The following DCLK2 variants were observed in gnomAD, a reference collection of about 807,000 sequenced individuals.
The protein encoded by DCLK2 is doublecortin like kinase 2.
In DCLK2, 31 loss-of-function variants were observed where a neutral mutation model predicts 78.4. The observed-to-expected ratio is 0.40, with a 90% CI of 0.30 to 0.53. The LOEUF (loss-of-function observed/expected upper bound fraction) is 0.53, where lower values mean the gene tolerates loss of function less well. Among genes scored for constraint, DCLK2 ranks in the 20% least tolerant of loss-of-function variants. DCLK2 has a pLI of 0.61. For missense variants in DCLK2, 872 were observed against 973.7 expected, an observed-to-expected ratio of 0.90 and a Z score of 1.39; for synonymous variants, 407 against 374.9, an observed-to-expected ratio of 1.09 and a Z score of -0.99.
intron 15 of DCLK2, among the ~76,000 whole-genome samples, chr4:150,253,079 G>GTCCTCCTCATCCTCCTCGTCCTCCTCA (rs1485089641): frequency 2.0e-5 from 3 of 149,612 alleles, no homozygotes; most frequent in African/African-American, 7.3e-5. Flanking sequence ...TGTCCTCCTC[G>GTCCTCCTCATCCTCCTCGTCCTCCTCA]TCCTCCTCAT....
intron 4 of DCLK2, among the ~76,000 whole-genome samples, chr4:150,201,876 A>G (rs1403204915): frequency 1.3e-5 from 2 of 152,232 alleles, no homozygotes; most frequent in Non-Finnish European, 2.9e-5. Flanking sequence ...GCCGGTCATA[A>G]TCTCTCTTTT....
chr4:150,156,789 ATTTT>A (rs869126960), intron 2 of DCLK2, among the ~76,000 whole-genome samples: 1 of 133,106 alleles, frequency 7.5e-6, no homozygotes, highest in Non-Finnish European at 1.6e-5. Context: ...TTATTTATTT[ATTTT>A]TTGAGACAGA....
intron 6 of DCLK2, 52 bp from the exon 7 acceptor site, chr4:150,221,625 C>A: frequency 8.9e-7 from 1 of 1,128,554 alleles, no homozygotes. Context: ...ATGTAGGAAT[C>A]TGTATAAAAT....
At chr4:150,210,948 C>T (rs1410074938) in intron 5 of DCLK2, among the ~76,000 whole-genome samples, 2 of 80,422 alleles carry the variant, frequency 2.5e-5, no homozygotes, top group Non-Finnish European at 5.1e-5. Context: ...GACTCTGTCT[C>T]AAAAAAAAAA....
intron 2 of DCLK2, among the ~76,000 whole-genome samples, chr4:150,167,544 A>G (rs773119182): frequency 1.8e-4 from 27 of 152,202 alleles, no homozygotes; most frequent in Non-Finnish European, 3.2e-4. Context: ...GGCTCATTCA[A>G]TGCAGTCCTA....
At chr4:150,195,825 G>A (rs1035981202) in intron 3 of DCLK2, among the ~76,000 whole-genome samples, 3 of 151,746 alleles carry the variant, frequency 2.0e-5, no homozygotes, top group African/African-American at 7.3e-5. Context: ...TACTTAACCT[G>A]CAAAGTAGGG....
At position 150,115,860 on chromosome 4, in the gene DCLK2, C is replaced by T. The variant is rs556980498; in HGVS notation, c.756+13048C>T. ...AGGGGAAGTATCCATGGTTAAAAACCGGTCATGGCTAAAGCAGGTGGGTAA... is the reference window on the plus strand; with the variant it reads ...AGGGGAAGTATCCATGGTTAAAAACTGGTCATGGCTAAAGCAGGTGGGTAA... On this transcript the variant is annotated intron_variant, in intron 2 of 15. Coordinates refer to ENST00000296550, the MANE Select transcript of DCLK2 (RefSeq NM_001040260.4). Among the ~76,000 whole-genome samples the T allele has an allele frequency of 1.4e-4, 21 of 152,228 alleles. No homozygotes were observed. The South Asian group carries it at 2.5e-3, about 18-fold the overall frequency.
intron 2 of DCLK2, among the ~76,000 whole-genome samples, chr4:150,171,922 A>AT (rs1736562990): frequency 6.6e-6 from 1 of 152,192 alleles, no homozygotes; most frequent in Non-Finnish European, 1.5e-5. Flanking sequence ...TGACTGGGTA[A>AT]AAGATAAATT....
intron 2 of DCLK2, among the ~76,000 whole-genome samples, chr4:150,113,053 C>A (rs533977358): frequency 6.6e-6 from 1 of 151,990 alleles, no homozygotes; most frequent in Non-Finnish European, 1.5e-5. Context: ...TCAGGTGATC[C>A]GCTCGCTTCG....
In DCLK2 at chr4:150,249,759, G is replaced by T. The variant is rs1462282827; in HGVS notation, c.2073+75G>T. On this transcript the variant is annotated intron_variant, in intron 15 of 15. Coordinates refer to ENST00000296550, the MANE Select transcript of DCLK2 (RefSeq NM_001040260.4). ...TTTTTGAATTAGGTAGCCGGGAGCT[G>T]CCCTCACATGGAAGTTGGTGCCTTC... 8 of 1,200,596 alleles carry T rather than the reference G, an allele frequency of 6.7e-6. No homozygotes were observed. In the South Asian group the frequency reaches 8.5e-5, roughly 13 times the overall value. 74.4% of individuals were successfully genotyped at this position (1,200,596 alleles called of 1,614,324 possible). A position where few individuals can be genotyped will look rare whatever the true frequency, so the allele number is the denominator to read the frequency against.
At chr4:150,250,887 AC>A (rs1743769435) in intron 15 of DCLK2, among the ~76,000 whole-genome samples, 1 of 20,314 alleles carries the variant, frequency 4.9e-5, no homozygotes, top group Non-Finnish European at 1.0e-4. Flanking sequence ...CACACTCCCC[AC>A]ACCCCCCACA....
At chr4:150,242,365 C>A (rs76556878) in intron 12 of DCLK2, among the ~76,000 whole-genome samples, 1 of 152,158 alleles carries the variant, frequency 6.6e-6, no homozygotes, top group African/African-American at 2.4e-5. Context: ...AAAGATATTT[C>A]CATCTGGCCG....
intron 10 of DCLK2, among the ~76,000 whole-genome samples, chr4:150,235,584 TG>T (rs1000389732): frequency 6.6e-6 from 1 of 152,070 alleles, no homozygotes; most frequent in African/African-American, 2.4e-5. Flanking sequence ...GAGGCGAATA[TG>T]TGATGTAGAA....
chr4:150,198,179 A>T, intron 4 of DCLK2, 76 bp downstream of exon 4: 1 of 1,349,572 alleles, frequency 7.4e-7, no homozygotes, highest in South Asian at 1.4e-5. Context: ...ATTTTTATGA[A>T]TTAGTAGTCT....
At chr4:150,184,876 C>T (rs915374566) in intron 2 of DCLK2, among the ~76,000 whole-genome samples, 5 of 152,188 alleles carry the variant, frequency 3.3e-5, no homozygotes, top group African/African-American at 1.2e-4. Flanking sequence ...GCTGGGATTA[C>T]AGGCGTGAGC....
chr4:150,227,526 G>C (rs777234762), intron 8 of DCLK2, among the ~76,000 whole-genome samples: 4 of 152,112 alleles, frequency 2.6e-5, no homozygotes, highest in African/African-American at 7.2e-5. Flanking sequence ...ATCAAAGAGC[G>C]GTCTACCAGG....
intron 2 of DCLK2, among the ~76,000 whole-genome samples, chr4:150,149,125 A>G (rs1045456108): frequency 1.3e-5 from 2 of 152,038 alleles, no homozygotes; most frequent in Non-Finnish European, 2.9e-5. Context: ...AATGGAGACC[A>G]TAAGATACCT....
At chr4:150,087,023 A>G (rs1729697184) in intron 1 of DCLK2, among the ~76,000 whole-genome samples, 1 of 152,246 alleles carries the variant, frequency 6.6e-6, no homozygotes, top group South Asian at 2.1e-4. Context: ...TGAGTCAGAA[A>G]TAAAATCAAG....
intron 1 of DCLK2, among the ~76,000 whole-genome samples, chr4:150,095,139 A>G (rs1730366296): frequency 6.6e-6 from 1 of 152,232 alleles, no homozygotes; most frequent in Non-Finnish European, 1.5e-5. Flanking sequence ...GAAAGTTCAT[A>G]AAACACACGC....
Sources: allele counts gnomAD v4.1 joint callset (sites outside exome capture counted in the v4.1 genomes callset), GRCh38; gene constraint gnomAD v4.1.1; transcripts MANE v1.5; gene names NCBI Gene and HGNC (gene_info 2026-07-23, HGNC 2026-07-21).